The following GRAMD1B variants were observed in gnomAD, a reference collection of about 807,000 sequenced individuals.
GRAMD1B encodes GRAM domain containing 1B.
GRAMD1B carries 37 observed loss-of-function variants against 99.7 expected under a neutral mutation model. The observed-to-expected ratio is 0.37, with a 90% CI of 0.29 to 0.49. The LOEUF is 0.49. Among genes scored for constraint, GRAMD1B ranks in the 20% least tolerant of loss-of-function variants. The probability of loss-of-function intolerance (pLI) is 0.98; values close to 1 mark genes in which losing one functional copy is unlikely to be tolerated. For synonymous variants in GRAMD1B, 427 were observed against 387.6 expected (o/e 1.10, Z -1.19); for missense variants, 888 against 1,009.2 (o/e 0.88, Z 1.63).
chr11:123,484,479 C>T (rs1045365269), intron 2 of GRAMD1B, among the ~76,000 whole-genome samples: 1 of 152,200 alleles, frequency 6.6e-6, no homozygotes, highest in East Asian at 1.9e-4. Context: ...CCCATCTAAA[C>T]CTCTGCCCAG....
intron 2 of GRAMD1B, among the ~76,000 whole-genome samples, chr11:123,570,424 T>TC (rs1947941520): frequency 1.6e-5 from 2 of 128,498 alleles, no homozygotes; most frequent in Admixed American, 1.5e-4. Flanking sequence ...TTCTTTTCTT[T>TC]TTTTTTTTTT....
chr11:123,464,803 A>G (rs1229914874), intron 1 of GRAMD1B, among the ~76,000 whole-genome samples: 1 of 152,178 alleles, frequency 6.6e-6, no homozygotes, highest in African/African-American at 2.4e-5. Flanking sequence ...TAACTCAGTG[A>G]TAGATCGAAG....
Position 123,594,725 on chromosome 11 carries a change from C to T in GRAMD1B, c.770-10C>T, listed in dbSNP as rs1565433634. 2 of 1,454,730 alleles carry T rather than the reference C, an allele frequency of 1.4e-6. No homozygotes were observed. The highest frequency in any genetic ancestry group is 2.3e-5 in the East Asian group (1 of 44,138). 90.1% of individuals were successfully genotyped at this position (1,454,730 alleles called of 1,614,324 possible). On this transcript the variant is annotated splice_polypyrimidine_tract_variant and intron_variant, in intron 5 of 19. Transcript: ENST00000635736. The stretch of plus-strand genomic sequence containing the variant: ...GCCTCTGAGCTCCCCTACCTCCGCT[C>T]CTACCACAGATTACTCATGTGCACT...
At chr11:123,567,718 G>T (rs1003303080) in intron 2 of GRAMD1B, among the ~76,000 whole-genome samples, 1 of 152,160 alleles carries the variant, frequency 6.6e-6, no homozygotes, top group African/African-American at 2.4e-5. Flanking sequence ...CCAGGCAGCA[G>T]GGGGGAGTGG....
In GRAMD1B at chr11:123,372,430, G is replaced by C. The variant is rs145067567; in HGVS notation, c.-176+13631G>C. Among the ~76,000 whole-genome samples, 56 of 152,288 alleles carry C rather than the reference G, an allele frequency of 3.7e-4. No homozygotes were observed. In the East Asian group the frequency reaches 0.01, roughly 28 times the overall value. On this transcript the variant is annotated intron_variant, in intron 1 of 20. Coordinates refer to the GRAMD1B transcript ENST00000638157. ...CATCCAGGTTCAGAAAACTGTCTGG[G>C]AGTAGGTTTGGGACTAGCACCCCCA... is the stretch of plus-strand genomic sequence containing the variant.
At position 123,625,973 on chromosome 11, in the gene GRAMD1B, A is replaced by AGAGAGAGAGAGAGAGAGAGAGAGAGATC. The variant is rs34697633; in HGVS notation, c.*3386_*3387insGAGAGAGAGAGAGAGAGATCGAGAGAGA. 9.3e-5 allele frequency: 13 copies of AGAGAGAGAGAGAGAGAGAGAGAGAGATC among 139,822 alleles called. No individual in the cohort carries two copies. The highest frequency in any genetic ancestry group is 2.9e-4 in the Admixed American group (4 of 14,000). 8.7% of individuals were successfully genotyped at this position (139,822 alleles called of 1,614,324 possible). On this transcript the variant is annotated 3_prime_UTR_variant, in exon 20 of 20. Transcript: ENST00000635736. ...GAGAGAGAGAGAGAGAGAGAGAGAGAGAGAGAGATCGAGCTTGATGTATTG... is the reference window on the plus strand; with the variant it reads ...GAGAGAGAGAGAGAGAGAGAGAGAGAGAGAGAGAGAGAGAGAGAGAGAGAGATCGAGAGAGATCGAGCTTGATGTATTG...
intron 1 of GRAMD1B, among the ~76,000 whole-genome samples, chr11:123,401,120 G>T (rs1287801679): frequency 2.0e-5 from 3 of 152,158 alleles, no homozygotes; most frequent in African/African-American, 7.2e-5. Flanking sequence ...CTTTCTAGAT[G>T]AAGAGATGAA....
chr11:123,431,094 C>T lies in GRAMD1B; in HGVS notation c.302C>T (p.Ser101Phe), dbSNP rs1476065916. 1.4e-6 allele frequency: 1 copy of T among 702,934 alleles called. No homozygotes were observed. The highest frequency in any genetic ancestry group is 2.6e-6 in the Non-Finnish European group (1 of 385,004). The allele number at this position is 702,934 out of a possible 1,614,324, so 43.5% of individuals were successfully genotyped here. Residue 101 changes from serine (S) to phenylalanine (F), a missense_variant, in exon 1 of 20, where the codon TCC becomes TTC. Physicochemically the swap from Ser to Phe is radical, Grantham distance 155 (BLOSUM62 -2). Coordinates refer to ENST00000635736, the MANE Select transcript of GRAMD1B (RefSeq NM_001387025.1). ...TCCAACTGCTCCACACCCAGCGCGTCCCCGCGCCGAAAACGCTTCCTCCTC... is the reference window on the plus strand; with the variant it reads ...TCCAACTGCTCCACACCCAGCGCGTTCCCGCGCCGAAAACGCTTCCTCCTC... ...PWSNCSTPSA[S>F]PRRKRFLLRK...
chr11:123,566,504 C>T (rs1382987994), intron 2 of GRAMD1B, among the ~76,000 whole-genome samples: 7 of 152,270 alleles, frequency 4.6e-5, no homozygotes, highest in African/African-American at 1.2e-4. Context: ...CGGTGGCTCA[C>T]GCCTGTAATC....
At chr11:123,476,747 A>C (rs895923792) in intron 1 of GRAMD1B, among the ~76,000 whole-genome samples, 1 of 151,782 alleles carries the variant, frequency 6.6e-6, no homozygotes, top group Non-Finnish European at 1.5e-5. Flanking sequence ...TGCTGGGTAC[A>C]TGAGAGTGGT....
intron 1 of GRAMD1B, among the ~76,000 whole-genome samples, chr11:123,364,081 A>G (rs1378464755): frequency 1.3e-5 from 2 of 152,154 alleles, no homozygotes; most frequent in Non-Finnish European, 2.9e-5. Context: ...CAGGGTATTT[A>G]TGGGCTCTTT....
chr11:123,452,581 G>A (rs1052003327), intron 1 of GRAMD1B, among the ~76,000 whole-genome samples: 4 of 152,152 alleles, frequency 2.6e-5, no homozygotes, highest in African/African-American at 9.7e-5. Flanking sequence ...GGGAGGTGGA[G>A]GTTGCGGTGA....
At chr11:123,468,890 A>G (rs1950845758) in intron 1 of GRAMD1B, among the ~76,000 whole-genome samples, 1 of 151,738 alleles carries the variant, frequency 6.6e-6, no homozygotes, top group Non-Finnish European at 1.5e-5. Context: ...GAAGAATAAT[A>G]GTAGCTATAA....
At chr11:123,608,033 T>C (rs967237140) in intron 11 of GRAMD1B, 1 of 158,118 alleles carries the variant, frequency 6.3e-6, no homozygotes, top group Non-Finnish European at 1.4e-5. Flanking sequence ...GTGCCTCTCA[T>C]TCTGATTTGA....
At chr11:123,505,167 CCT>C (rs1022417495) in intron 2 of GRAMD1B, among the ~76,000 whole-genome samples, 1 of 150,506 alleles carries the variant, frequency 6.6e-6, no homozygotes, top group Non-Finnish European at 1.5e-5. Context: ...GACTGTCTCA[CCT>C]CTCTCTTTCA....
intron 2 of GRAMD1B, among the ~76,000 whole-genome samples, chr11:123,534,727 T>A (rs58861339): frequency 0.06 from 9,182 of 152,032 alleles, 703 homozygotes; most frequent in African/African-American, 0.18. Flanking sequence ...TAGCTGGGCA[T>A]GGTGGCAGGC....
intron 2 of GRAMD1B, among the ~76,000 whole-genome samples, chr11:123,529,606 G>A (rs1469915619): frequency 1.3e-5 from 2 of 152,170 alleles, no homozygotes; most frequent in African/African-American, 4.8e-5. Flanking sequence ...ACAAACAGAT[G>A]GGACTGCGGC....
At chr11:123,508,693 C>CTT (rs973220017) in intron 2 of GRAMD1B, among the ~76,000 whole-genome samples, 4 of 147,344 alleles carry the variant, frequency 2.7e-5, no homozygotes, top group African/African-American at 9.9e-5. Context: ...TCATTGCCTT[C>CTT]TTTTTTTTTT....
chr11:123,399,644 C>G (rs998363866), intron 1 of GRAMD1B, among the ~76,000 whole-genome samples: 2 of 151,022 alleles, frequency 1.3e-5, no homozygotes, highest in Non-Finnish European at 3.0e-5. Context: ...TAGTCTTGCT[C>G]TGTTGCCCAG....
Sources: allele counts gnomAD v4.1 joint callset (sites outside exome capture counted in the v4.1 genomes callset), GRCh38; gene constraint gnomAD v4.1.1; transcripts MANE v1.5; gene names NCBI Gene and HGNC (gene_info 2026-07-23, HGNC 2026-07-21).